The following SLC23A2 variants were observed in gnomAD, a reference collection of about 807,000 sequenced individuals.
The protein encoded by SLC23A2 is Na(+)/L-ascorbic acid transporter 2.
In SLC23A2, 36 loss-of-function variants were observed where a neutral mutation model predicts 73.3. The observed-to-expected ratio is 0.49, with a 90% confidence interval of 0.38 to 0.65. The LOEUF is 0.65. Ranked by LOEUF, SLC23A2 falls within the 30% of genes least tolerant of loss-of-function variation. The pLI is 0.00. For synonymous variants in SLC23A2, 343 were observed against 327.3 expected (o/e 1.05, Z -0.52); for missense variants, 507 against 841.6 (o/e 0.60, Z 4.92).
At chr20:4,900,787 G>C (rs1164125639) in intron 5 of SLC23A2, among the ~76,000 whole-genome samples, 2 of 151,998 alleles carry the variant, frequency 1.3e-5, no homozygotes, top group East Asian at 3.9e-4. Context: ...GATAGTCCCA[G>C]CACTCACGAC....
intron 1 of SLC23A2, among the ~76,000 whole-genome samples, chr20:5,006,976 T>TGTGTGC (rs1282952601): frequency 1.4e-5 from 2 of 139,940 alleles, no homozygotes; most frequent in African/African-American, 5.2e-5. Flanking sequence ...TGTGTGTGTG[T>TGTGTGC]GCGTGCGTGC....
intron 2 of SLC23A2, among the ~76,000 whole-genome samples, chr20:4,967,743 T>C (rs1879176): frequency 0.4 from 61,086 of 151,966 alleles, 12,561 homozygotes; most frequent in Admixed American, 0.48. Flanking sequence ...CTGCTCCAAG[T>C]GTTTGATCCA....
In SLC23A2 at chr20:4,942,325, C is replaced by T. The variant is rs1034935710; in HGVS notation, c.-154-9609G>A. 3.3e-5 allele frequency among the ~76,000 whole-genome samples: 4 copies of T among 120,528 alleles called. No individual in the cohort carries two copies. In the East Asian group the frequency reaches 9.7e-4, roughly 29 times the overall value. The allele number at this position is 120,528 out of a possible 152,430, so 79.1% of individuals were successfully genotyped here. ...TAGATTTCTTAAAGCTCCCTGCAGCCAAAGTTAAAAATCACTACCTTAAAG... is the reference window on the plus strand; with the variant it reads ...TAGATTTCTTAAAGCTCCCTGCAGCTAAAGTTAAAAATCACTACCTTAAAG... On this transcript the variant is annotated intron_variant, in intron 2 of 16. Transcript: ENST00000338244.
chr20:4,884,698 T>C (rs369880742), intron 8 of SLC23A2, 55 bp downstream of exon 8: 15 of 1,237,148 alleles, frequency 1.2e-5, no homozygotes, highest in South Asian at 6.0e-5. Context: ...TCAACCAACA[T>C]TGAAGCTGAG....
At chr20:4,967,307 C>T (rs1271997120) in intron 2 of SLC23A2, among the ~76,000 whole-genome samples, 1 of 151,996 alleles carries the variant, frequency 6.6e-6, no homozygotes. Context: ...TAACACCATA[C>T]AGAAAAATCA....
intron 1 of SLC23A2, among the ~76,000 whole-genome samples, chr20:4,987,587 G>A (rs1410261871): frequency 2.0e-5 from 3 of 152,148 alleles, no homozygotes; most frequent in African/African-American, 7.2e-5. Context: ...GGTGGCTCAC[G>A]CCTATAATCT....
Position 4,932,378 on chromosome 20 carries a change from A to G in SLC23A2, c.108+77T>C, listed in dbSNP as rs1600145864. ...AACCTTCACTGAAAACATGAGCATT[A>G]AAGCCAATCCTATGTTGATTCCATA... On this transcript the variant is annotated intron_variant, in intron 3 of 16. Transcript: ENST00000338244. 7 of 870,306 alleles carry G rather than the reference A, an allele frequency of 8.0e-6. 1 individual carries two copies. In the East Asian group the frequency reaches 1.7e-4, roughly 21 times the overall value. The allele number at this position is 870,306 out of a possible 1,614,324, so 53.9% of individuals were successfully genotyped here.
chr20:4,859,624 T>G (rs6107541), intron 15 of SLC23A2, among the ~76,000 whole-genome samples: 1 of 152,068 alleles, frequency 6.6e-6, no homozygotes, highest in African/African-American at 2.4e-5. Context: ...CAGTGGTGCA[T>G]AGAAGATGAA....
intron 10 of SLC23A2, 122 bp from the exon 11 acceptor site, chr20:4,874,214 C>CGT (rs3055035): frequency 6.9e-5 from 59 of 850,370 alleles, no homozygotes; most frequent in Admixed American, 1.1e-4. Flanking sequence ...ACTTTGCAGA[C>CGT]CTTCCTTGAA....
At chr20:4,935,321 G>C (rs570775644) in intron 2 of SLC23A2, among the ~76,000 whole-genome samples, 300 of 152,072 alleles carry the variant, frequency 2.0e-3, no homozygotes, top group African/African-American at 6.3e-3. Context: ...AGCATCCAGA[G>C]AGAAATGAAT....
chr20:4,884,881 T>A, intron 7 of SLC23A2, 58 bp from the exon 8 acceptor site: 1 of 969,130 alleles, frequency 1.0e-6, no homozygotes, highest in Non-Finnish European at 1.5e-6. Context: ...CATGACATAT[T>A]CATTTTACCT....
intron 2 of SLC23A2, among the ~76,000 whole-genome samples, chr20:4,935,186 CAAAAAAAAAAA>C (rs34200051): frequency 4.4e-5 from 3 of 68,134 alleles, no homozygotes; most frequent in African/African-American, 1.2e-4. Flanking sequence ...GACTCCGTCT[CAAAAAAAAAAA>C]AAAAAAAAAA....
chr20:4,915,098 A>G (rs1157496787), intron 3 of SLC23A2, among the ~76,000 whole-genome samples: 1 of 152,238 alleles, frequency 6.6e-6, no homozygotes, highest in East Asian at 1.9e-4. Context: ...TTAAAAAGTT[A>G]TAAAACAATA....
intron 11 of SLC23A2, 56 bp downstream of exon 11, chr20:4,873,880 C>A (rs1930550656): frequency 5.2e-6 from 8 of 1,525,914 alleles, no homozygotes; most frequent in African/African-American, 1.4e-5. Flanking sequence ...AAATTCCCAC[C>A]CCTCTCAGTT....
rs1482999308 is a variant in SLC23A2 at position 4,902,385 on chromosome 20, A to G, written c.324+57T>C. The G allele has an allele frequency of 2.1e-6, 2 of 932,044 alleles. No homozygotes were observed. The highest frequency in any genetic ancestry group is 3.4e-6 in the Non-Finnish European group (2 of 596,800). 57.7% of individuals were successfully genotyped at this position (932,044 alleles called of 1,614,324 possible). A position where few individuals can be genotyped will look rare whatever the true frequency, so the allele number is the denominator to read the frequency against. ...AAGTGGAATTTTTAAACAATTCCAGATGGTAGACAATGCAAACACCTGCTG... is the reference window on the plus strand; with the variant it reads ...AAGTGGAATTTTTAAACAATTCCAGGTGGTAGACAATGCAAACACCTGCTG... On this transcript the variant is annotated intron_variant, in intron 5 of 16. Coordinates refer to ENST00000338244, the MANE Select transcript of SLC23A2 (RefSeq NM_005116.6). This position sits in a 1 kb window ranked among gnomAD's most constrained non-coding sequence, Gnocchi z 4.0.
At chr20:4,994,097 T>C (rs374325538) in intron 1 of SLC23A2, among the ~76,000 whole-genome samples, 1 of 151,790 alleles carries the variant, frequency 6.6e-6, no homozygotes, top group Non-Finnish European at 1.5e-5. Context: ...AAAATATAGA[T>C]ACATGAATTC....
chr20:4,981,794 C>G (rs185432135), intron 1 of SLC23A2, among the ~76,000 whole-genome samples: 74 of 151,678 alleles, frequency 4.9e-4, no homozygotes, highest in Admixed American at 8.6e-4. Flanking sequence ...CTCCACCCCC[C>G]AGGTTCAAGC....
At chr20:4,876,737 G>T (rs773454797) in intron 9 of SLC23A2, among the ~76,000 whole-genome samples, 16 of 152,196 alleles carry the variant, frequency 1.1e-4, no homozygotes, top group Admixed American at 3.3e-4. Flanking sequence ...AAACCCTGAA[G>T]ATCATCCATA....
At chr20:4,878,401 G>A (rs1930740899) in intron 9 of SLC23A2, among the ~76,000 whole-genome samples, 2 of 152,082 alleles carry the variant, frequency 1.3e-5, no homozygotes, top group South Asian at 2.1e-4. Context: ...GGCCAGGCTG[G>A]TTGAGAACTC....
Sources: gnomAD v4.1 joint callset for allele counts (sites outside exome capture counted in the v4.1 genomes callset) on GRCh38, gnomAD v4.1.1 for gene constraint, Gnocchi (gnomAD v3.1) non-coding constraint, MANE v1.5 for transcripts, NCBI Gene and HGNC (gene_info 2026-07-23, HGNC 2026-07-21) for gene names.